The following KLF15 variants were observed in gnomAD, a reference collection of about 807,000 sequenced individuals.
The protein encoded by KLF15 is Krueppel-like factor 15.
KLF15 carries 4 observed loss-of-function variants against 24.6 expected under a neutral mutation model. That is an observed-to-expected ratio of 0.16 (90% CI 0.08 to 0.37). KLF15 has a LOEUF of 0.37. Among genes scored for constraint, KLF15 ranks in the 10% least tolerant of loss-of-function variants. The probability of loss-of-function intolerance (pLI) is 1.00; values close to 1 mark genes in which losing one functional copy is unlikely to be tolerated. For missense variants in KLF15, 496 were observed against 560.6 expected, an observed-to-expected ratio of 0.88 and a Z score of 1.16; for synonymous variants, 246 against 236.3, an observed-to-expected ratio of 1.04 and a Z score of -0.37.
At chr3:126,321,591 A>G in the KLF15 span, among the ~76,000 whole-genome samples, 1 of 152,206 alleles carries the variant, frequency 6.6e-6, no homozygotes, top group Non-Finnish European at 1.5e-5. Flanking sequence ...CATGCCCCTC[A>G]TGACCTCTGT....
downstream of KLF15, among the ~76,000 whole-genome samples, chr3:126,340,361 T>C (rs1424710121): frequency 6.6e-6 from 1 of 152,206 alleles, no homozygotes; most frequent in African/African-American, 2.4e-5. Context: ...CATGGCCCCT[T>C]GCCTGCTTCT....
At chr3:126,290,319 C>G in the KLF15 span, among the ~76,000 whole-genome samples, 1 of 152,334 alleles carries the variant, frequency 6.6e-6, no homozygotes, top group Non-Finnish European at 1.5e-5. Flanking sequence ...TGGATGCAGA[C>G]AGGCAAGCCC....
At chr3:126,313,034 G>A in the KLF15 span, among the ~76,000 whole-genome samples, 4 of 152,266 alleles carry the variant, frequency 2.6e-5, no homozygotes, top group East Asian at 7.7e-4. Flanking sequence ...CTAACCCCCA[G>A]AACCTCAGAA....
chr3:126,351,722 C>T lies in KLF15; in HGVS notation c.1082+119G>A, dbSNP rs544760188. Reference sequence around the variant, plus strand: ...GCTCTGGGCCTGCACCCGCCTGCCCCTCCCTCCCCTCCCTCATCTACCTTC... The same window carrying T: ...GCTCTGGGCCTGCACCCGCCTGCCCTTCCCTCCCCTCCCTCATCTACCTTC... On this transcript the variant is annotated intron_variant, in intron 2 of 2. Coordinates refer to ENST00000296233, the MANE Select transcript of KLF15 (RefSeq NM_014079.4). 10 of 1,118,790 alleles carry T rather than the reference C, an allele frequency of 8.9e-6. 2 individuals carry two copies. In the South Asian group the frequency reaches 1.6e-4, roughly 18 times the overall value. 69.3% of individuals were successfully genotyped at this position (1,118,790 alleles called of 1,614,324 possible).
intron 1 of KLF15, among the ~76,000 whole-genome samples, chr3:126,355,056 C>T (rs1258741333): frequency 6.6e-6 from 1 of 152,262 alleles, no homozygotes; most frequent in African/African-American, 2.4e-5. Flanking sequence ...GGCCTCTGCC[C>T]CTCTACTGTG....
chr3:126,356,279 G>T lies in KLF15; in HGVS notation c.-26+958C>A, dbSNP rs1273947666. On this transcript the variant is annotated intron_variant, in intron 1 of 2. Coordinates refer to ENST00000296233, the MANE Select transcript of KLF15 (RefSeq NM_014079.4). The surrounding 1 kb of genome is among the most constrained non-coding windows in gnomAD (Gnocchi z 4.4). ...GTAGGGCGGCAGGGTCTCCCCAGGG[G>T]CCACCTGGTCCGGGGGGACAGGGGG... Among the ~76,000 whole-genome samples, 1 of 152,142 alleles carries T rather than the reference G, an allele frequency of 6.6e-6. No individual in the cohort carries two copies. Among genetic ancestry groups the T allele is most frequent in the Non-Finnish European group, 1.5e-5 (1 of 68,014 alleles).
At chr3:126,317,971 CAAT>C in the KLF15 span, among the ~76,000 whole-genome samples, 1 of 152,192 alleles carries the variant, frequency 6.6e-6, no homozygotes, top group Non-Finnish European at 1.5e-5. Context: ...CTGCTGCTAA[CAAT>C]AACATCTTTC....
downstream of KLF15, among the ~76,000 whole-genome samples, chr3:126,340,859 C>A (rs1174352076): frequency 1.3e-5 from 2 of 152,022 alleles, no homozygotes; most frequent in African/African-American, 2.4e-5. Context: ...AGACTCTCAA[C>A]CCCCACCAGG....
intron 2 of KLF15, among the ~76,000 whole-genome samples, chr3:126,347,645 G>A (rs145800927): frequency 2.0e-5 from 3 of 152,348 alleles, no homozygotes; most frequent in African/African-American, 7.2e-5. Flanking sequence ...GTCTGACAGT[G>A]AGGCAAGGAA....
At chr3:126,323,061 A>G in the KLF15 span, among the ~76,000 whole-genome samples, 4 of 149,114 alleles carry the variant, frequency 2.7e-5, no homozygotes, top group Non-Finnish European at 4.4e-5. Flanking sequence ...TGCTGTGATT[A>G]TACATATTGA....
chr3:126,302,343 A>G, the KLF15 span, among the ~76,000 whole-genome samples: 1 of 152,202 alleles, frequency 6.6e-6, no homozygotes, highest in Admixed American at 6.5e-5. Context: ...ACAAAAGAAT[A>G]TGTATCTACT....
the KLF15 span, among the ~76,000 whole-genome samples, chr3:126,310,724 A>G: frequency 6.6e-6 from 1 of 152,102 alleles, no homozygotes; most frequent in South Asian, 2.1e-4. Context: ...CTTTTTTAAG[A>G]AGTCTTAATG....
intron 2 of KLF15, among the ~76,000 whole-genome samples, chr3:126,346,720 C>T (rs2082538312): frequency 6.6e-6 from 1 of 152,174 alleles, no homozygotes; most frequent in Non-Finnish European, 1.5e-5. Context: ...TCAGAAGACC[C>T]CCTGCCTCAC....
chr3:126,314,368 T>C, the KLF15 span, among the ~76,000 whole-genome samples: 1 of 152,192 alleles, frequency 6.6e-6, no homozygotes, highest in Non-Finnish European at 1.5e-5. Flanking sequence ...TGTGTCTTCC[T>C]TTGAATGGGC....
At chr3:126,330,691 G>C in the KLF15 span, among the ~76,000 whole-genome samples, 5 of 152,092 alleles carry the variant, frequency 3.3e-5, no homozygotes, top group African/African-American at 1.2e-4. Context: ...ATTTCTTCTT[G>C]ATGAATACAG....
chr3:126,327,586 T>C, the KLF15 span, among the ~76,000 whole-genome samples: 1 of 152,124 alleles, frequency 6.6e-6, no homozygotes, highest in Non-Finnish European at 1.5e-5. Flanking sequence ...CGCCTTGCTG[T>C]TGAGGTCTGC....
the KLF15 span, among the ~76,000 whole-genome samples, chr3:126,321,634 C>T: frequency 7.2e-5 from 11 of 152,362 alleles, no homozygotes; most frequent in Middle Eastern, 6.8e-3. Flanking sequence ...GCCCCCTGTG[C>T]ATGGTGGGAT....
the KLF15 span, among the ~76,000 whole-genome samples, chr3:126,323,641 A>T: frequency 4.7e-5 from 7 of 148,160 alleles, no homozygotes; most frequent in South Asian, 1.5e-3. Context: ...CCCATCAACT[A>T]GGTTCCCTCC....
At chr3:126,306,568 C>T in the KLF15 span, among the ~76,000 whole-genome samples, 1 of 152,242 alleles carries the variant, frequency 6.6e-6, no homozygotes, top group Non-Finnish European at 1.5e-5. Context: ...TTGTCTTTAA[C>T]ATACACATGC....
Sources: allele counts gnomAD v4.1 joint callset (sites outside exome capture counted in the v4.1 genomes callset), GRCh38; gene constraint gnomAD v4.1.1; non-coding constraint Gnocchi (gnomAD v3.1); transcripts MANE v1.5; gene names NCBI Gene and HGNC (gene_info 2026-07-23, HGNC 2026-07-21).